Variants in CRAMP1 observed in about 807,000 individuals in gnomAD.
CRAMP1 encodes protein cramped-like.
CRAMP1 carries 50 observed loss-of-function variants against 115.4 expected under a neutral mutation model. The observed-to-expected ratio is 0.43, with a 90% CI of 0.35 to 0.55. CRAMP1 has a LOEUF of 0.55. Among genes scored for constraint, CRAMP1 ranks in the 20% least tolerant of loss-of-function variants. The pLI is 0.01. For synonymous variants in CRAMP1, 866 were observed against 745.4 expected (o/e 1.16, Z -2.64); for missense variants, 1,679 against 1,721.7 (o/e 0.98, Z 0.44).
At chr16:1,633,827 T>G (rs1192258629) in intron 4 of CRAMP1, among the ~76,000 whole-genome samples, 2 of 152,158 alleles carry the variant, frequency 1.3e-5, no homozygotes, top group Admixed American at 1.3e-4. Context: ...ATCAGCACTT[T>G]GGGAGGCAGA....
intron 4 of CRAMP1, among the ~76,000 whole-genome samples, chr16:1,635,982 A>G (rs2036585598): frequency 6.6e-6 from 1 of 152,124 alleles, no homozygotes; most frequent in African/African-American, 2.4e-5. Flanking sequence ...AGTCCTTTGT[A>G]TGGCTGGATT....
rs559781777 is a variant in CRAMP1, at chr16:1,660,880, C to T, written c.2413+817C>T. Reference sequence around the variant, plus strand: ...AAAACTAGTCTGACGTGGTGGTGCGCGCCTGTTAATCCCAGCTACTCCGAA... The same window carrying T: ...AAAACTAGTCTGACGTGGTGGTGCGTGCCTGTTAATCCCAGCTACTCCGAA... On this transcript the variant is annotated intron_variant, in intron 11 of 20. Coordinates refer to ENST00000397412, the MANE Select transcript of CRAMP1 (RefSeq NM_020825.4). 4.1e-4 allele frequency among the ~76,000 whole-genome samples: 62 copies of T among 152,240 alleles called. 1 individual carries two copies. The South Asian group carries it at 0.011, about 27-fold the overall frequency.
rs1177339443 is a variant in CRAMP1, at chr16:1,656,727, C to A, written c.1970C>A (p.Ala657Asp). 3.9e-6 allele frequency: 6 copies of A among 1,551,482 alleles called. No homozygotes were observed. The highest frequency in any genetic ancestry group is 5.2e-6 in the Non-Finnish European group (6 of 1,147,822). Residue 657 changes from alanine to aspartate, a missense_variant, in exon 10 of 21, where the codon GCC becomes GAC. Physicochemically the swap from Ala to Asp is moderately radical, Grantham distance 126. This residue lies in a region of CRAMP1 where 405 missense variants were observed against 302.6 expected (regional missense o/e 1.34). Coordinates refer to ENST00000397412, the MANE Select transcript of CRAMP1 (RefSeq NM_020825.4). The surrounding 1 kb of genome is among the most constrained non-coding windows in gnomAD (Gnocchi z 5.6). ...CCTCCGCCGTCTCAGGGACAGCCTG[C>A]CGCCAGGCCCCCGAAGGAGGTCCCC... is the stretch of plus-strand genomic sequence containing the variant. ...AGPPPSQGQP[A>D]ARPPKEVPAS...
At position 1,659,881 on chromosome 16, in the gene CRAMP1, C is replaced by T; in HGVS notation, c.2236-5C>T. On this transcript the variant is annotated splice_polypyrimidine_tract_variant and splice_region_variant and intron_variant, in intron 10 of 20. Coordinates refer to ENST00000397412, the MANE Select transcript of CRAMP1 (RefSeq NM_020825.4). Reference sequence around the variant, plus strand: ...TGGACATTGTTTGGCCCATTTCTGTCCTAGGCTCTGGAAGCAAACACCATC... The same window carrying T: ...TGGACATTGTTTGGCCCATTTCTGTTCTAGGCTCTGGAAGCAAACACCATC... 6.2e-7 allele frequency: 1 copy of T among 1,613,274 alleles called. No homozygotes were observed. Among genetic ancestry groups the T allele is most frequent in the Non-Finnish European group, 8.5e-7 (1 of 1,179,760 alleles).
At chr16:1,657,719 TGG>T (rs1473682464) in intron 10 of CRAMP1, among the ~76,000 whole-genome samples, 1 of 151,984 alleles carries the variant, frequency 6.6e-6, no homozygotes, top group Non-Finnish European at 1.5e-5. Flanking sequence ...AGCCGACAGA[TGG>T]GGTGCAGAAG....
chr16:1,668,029 T>C lies in CRAMP1; in HGVS notation c.3170T>C (p.Leu1057Pro), dbSNP rs769532726. The change falls in exon 18 of 21, where the codon CTG becomes CCG. Residue 1057 changes from leucine to proline, a missense_variant. Leu to Pro is a moderately conservative substitution (Grantham distance 98, BLOSUM62 -3). Around this residue, in one of 8 missense-constraint regions of CRAMP1, gnomAD observed 709 missense variants for 741.9 expected, o/e 0.96. Coordinates refer to ENST00000397412, the MANE Select transcript of CRAMP1 (RefSeq NM_020825.4). The part of the protein sequence containing the change: ...APLQNGLSIP[L>P]SSSESSSTRL... Reference sequence around the variant, plus strand: ...CTCCAGAATGGCCTCTCCATACCGCTGTCCTCGTCAGAGAGCTCCAGCACC... The same window carrying C: ...CTCCAGAATGGCCTCTCCATACCGCCGTCCTCGTCAGAGAGCTCCAGCACC... The C allele has an allele frequency of 1.2e-6, 2 of 1,613,932 alleles. No homozygotes were observed. The highest frequency in any genetic ancestry group is 3.3e-5 in the Admixed American group (2 of 60,006).
chr16:1,672,986 C>A lies in CRAMP1; in HGVS notation c.3646-895C>A, dbSNP rs1030082382. Reference sequence around the variant, plus strand: ...TCCCCATGTGTCCTCATGTCTCTGACGGGAACGTGCTCCCCACATGTCCTC... The same window carrying A: ...TCCCCATGTGTCCTCATGTCTCTGAAGGGAACGTGCTCCCCACATGTCCTC... On this transcript the variant is annotated intron_variant, in intron 20 of 20. Coordinates refer to ENST00000397412, the MANE Select transcript of CRAMP1 (RefSeq NM_020825.4). The surrounding 1 kb of genome is among the most constrained non-coding windows in gnomAD (Gnocchi z 4.9). Among the ~76,000 whole-genome samples, 2 of 152,046 alleles carry A rather than the reference C, an allele frequency of 1.3e-5. No individual in the cohort carries two copies. The highest frequency in any genetic ancestry group is 2.9e-5 in the Non-Finnish European group (2 of 68,004).
chr16:1,655,800 G>A (rs181301467), intron 9 of CRAMP1, 77 bp from the exon 10 acceptor site: 16 of 1,504,982 alleles, frequency 1.1e-5, no homozygotes, highest in Middle Eastern at 1.9e-4. Context: ...AGCGTGGCTC[G>A]TGTCTGTACC....
chr16:1,617,218 C>T (rs2036427772), intron 2 of CRAMP1, among the ~76,000 whole-genome samples: 1 of 152,202 alleles, frequency 6.6e-6, no homozygotes. Context: ...CATCACAGAA[C>T]TTCTCGGCCA....
At chr16:1,667,199 T>G (rs757538937) in intron 16 of CRAMP1, 136 bp from the exon 17 acceptor site, 13 of 676,212 alleles carry the variant, frequency 1.9e-5, no homozygotes, top group Non-Finnish European at 3.5e-5. Flanking sequence ...CTTAGACCCC[T>G]GTCCATTTAC....
At position 1,666,188 on chromosome 16, in the gene CRAMP1, A is replaced by G. The variant is rs1435254176; in HGVS notation, c.2857+11A>G. Reference sequence around the variant, plus strand: ...CGAGTCACCTGGCCAGTAAGTCTGTACCTGCATGGCCACAGCCACTGAGTG... The same window carrying G: ...CGAGTCACCTGGCCAGTAAGTCTGTGCCTGCATGGCCACAGCCACTGAGTG... On this transcript the variant is annotated intron_variant, in intron 15 of 20. Transcript: ENST00000397412. This position sits in a 1 kb window ranked among gnomAD's most constrained non-coding sequence, Gnocchi z 5.0. 6.4e-7 allele frequency: 1 copy of G among 1,568,536 alleles called. No homozygotes were observed. Among genetic ancestry groups the G allele is most frequent in the Admixed American group, 1.7e-5 (1 of 57,508 alleles).
At chr16:1,657,866 G>A (rs868794119) in intron 10 of CRAMP1, among the ~76,000 whole-genome samples, 2 of 152,184 alleles carry the variant, frequency 1.3e-5, no homozygotes, top group East Asian at 1.9e-4. Context: ...GGACATGGGC[G>A]AGGGGCTCAA....
At chr16:1,613,330 C>T (rs2036378839) in intron 1 of CRAMP1, among the ~76,000 whole-genome samples, 1 of 152,140 alleles carries the variant, frequency 6.6e-6, no homozygotes, top group Non-Finnish European at 1.5e-5. Context: ...ATCTGCACCT[C>T]AGGGTGGGGG....
chr16:1,651,355 G>A (rs2036721068), intron 6 of CRAMP1, among the ~76,000 whole-genome samples: 1 of 151,604 alleles, frequency 6.6e-6, no homozygotes, highest in African/African-American at 2.4e-5. Context: ...GGTGGATTTA[G>A]GTCACGCACA....
rs1054122759 is a variant in CRAMP1 at position 1,637,810 on chromosome 16, C to T, written c.695-14C>T. On this transcript the variant is annotated splice_polypyrimidine_tract_variant and intron_variant, in intron 4 of 20. Transcript: ENST00000397412. ...GTTCCCCTCTCTAAAGCCGCCTTCT[C>T]TTCTGTTTCTCAGTGTTCTCTCGAG... The T allele has an allele frequency of 8.2e-6, 12 of 1,461,476 alleles. No homozygotes were observed. The Admixed American group carries it at 9.8e-5, about 12-fold the overall frequency. The allele number at this position is 1,461,476 out of a possible 1,614,324, so 90.5% of individuals were successfully genotyped here. A position where few individuals can be genotyped will look rare whatever the true frequency, so the allele number is the denominator to read the frequency against.
At chr16:1,619,068 CAGGG>C (rs2036444647) in intron 2 of CRAMP1, among the ~76,000 whole-genome samples, 1 of 152,166 alleles carries the variant, frequency 6.6e-6, no homozygotes, top group African/African-American at 2.4e-5. Context: ...AAGGATATAA[CAGGG>C]AGATGATTCA....
At chr16:1,615,338 G>A (rs1452418295) in intron 2 of CRAMP1, among the ~76,000 whole-genome samples, 1 of 152,196 alleles carries the variant, frequency 6.6e-6, no homozygotes, top group Non-Finnish European at 1.5e-5. Flanking sequence ...AAAAATACCT[G>A]CTGTATCTCT....
At chr16:1,632,026 A>G (rs1174759527) in intron 3 of CRAMP1, among the ~76,000 whole-genome samples, 186 bp from the exon 4 acceptor site, 1 of 152,088 alleles carries the variant, frequency 6.6e-6, no homozygotes, top group Non-Finnish European at 1.5e-5. Context: ...CTTTATCCTG[A>G]TTAAAACCTA....
chr16:1,664,985 T>A, intron 13 of CRAMP1, 72 bp from the exon 14 acceptor site: 1 of 1,060,502 alleles, frequency 9.4e-7, no homozygotes, highest in South Asian at 1.3e-5. Context: ...CTTGGGACAT[T>A]CCTTTGTAAC....
Sources: allele counts gnomAD v4.1 joint callset (sites outside exome capture counted in the v4.1 genomes callset), GRCh38; gene constraint gnomAD v4.1.1; regional missense constraint gnomAD v4.1.1; non-coding constraint Gnocchi (gnomAD v3.1); transcripts MANE v1.5; gene names NCBI Gene and HGNC (gene_info 2026-07-23, HGNC 2026-07-21).